GRIN3A: variants seen among roughly 807,000 people sequenced by gnomAD.
GRIN3A encodes the protein glutamate ionotropic receptor NMDA type subunit 3A, also known as glutamate receptor ionotropic, NMDA 3A.
A neutral mutation model predicts 92.4 loss-of-function variants in GRIN3A; 47 were observed. The observed-to-expected ratio is 0.51, with a 90% confidence interval of 0.40 to 0.65. GRIN3A has a LOEUF of 0.65. Ranked by LOEUF, GRIN3A falls within the 30% of genes least tolerant of loss-of-function variation. The pLI is 0.00. For synonymous variants in GRIN3A, 527 were observed against 540.6 expected (o/e 0.97, Z 0.35); for missense variants, 1,324 against 1,393.1 (o/e 0.95, Z 0.79).
intron 3 of GRIN3A, 146 bp downstream of exon 3, chr9:101,669,914 G>A: frequency 1.6e-6 from 1 of 632,324 alleles, no homozygotes; most frequent in Non-Finnish European, 2.7e-6. Flanking sequence ...GTTAAACCAG[G>A]CAACAGACTT....
At chr9:101,698,518 C>G (rs572947536) in intron 1 of GRIN3A, among the ~76,000 whole-genome samples, 2 of 152,186 alleles carry the variant, frequency 1.3e-5, no homozygotes, top group African/African-American at 4.8e-5. Context: ...GATGGCATAA[C>G]CTACTACACC....
chr9:101,726,276 T>C (rs1004698675), intron 1 of GRIN3A, among the ~76,000 whole-genome samples: 8 of 152,166 alleles, frequency 5.3e-5, no homozygotes, highest in Non-Finnish European at 1.2e-4. Context: ...TCAGGCTAAG[T>C]CCTATCATAA....
chr9:101,659,277 T>C (rs903354424), intron 3 of GRIN3A, among the ~76,000 whole-genome samples: 1 of 151,676 alleles, frequency 6.6e-6, no homozygotes, highest in Non-Finnish European at 1.5e-5. Flanking sequence ...TTGTTTATAA[T>C]TACCCAAGAT....
intron 2 of GRIN3A, among the ~76,000 whole-genome samples, chr9:101,683,345 T>C (rs1829487483): frequency 6.6e-6 from 1 of 152,180 alleles, no homozygotes; most frequent in African/African-American, 2.4e-5. Context: ...CTCCCGACTT[T>C]CATTATGCAG....
intron 6 of GRIN3A, among the ~76,000 whole-genome samples, 154 bp from the exon 7 acceptor site, chr9:101,579,514 T>C (rs17774987): frequency 0.15 from 22,583 of 152,218 alleles, 2,108 homozygotes; most frequent in Non-Finnish European, 0.21. Flanking sequence ...ACCTTCATTA[T>C]ACATCATGAA....
chr9:101,675,990 G>C (rs1254268585), intron 2 of GRIN3A, among the ~76,000 whole-genome samples: 1 of 151,590 alleles, frequency 6.6e-6, no homozygotes, highest in African/African-American at 2.4e-5. Flanking sequence ...AAGAATTGTT[G>C]CCCCCCTGAT....
intron 6 of GRIN3A, among the ~76,000 whole-genome samples, chr9:101,580,438 GAT>G (rs1476606189): frequency 2.0e-5 from 3 of 152,148 alleles, no homozygotes; most frequent in Admixed American, 6.5e-5. Context: ...GAGAGATAGA[GAT>G]AGAGAATTGA....
At chr9:101,735,394 A>G (rs1020744490) in intron 1 of GRIN3A, among the ~76,000 whole-genome samples, 4 of 142,794 alleles carry the variant, frequency 2.8e-5, no homozygotes, top group African/African-American at 9.8e-5. Flanking sequence ...GGAGGACTTT[A>G]TCCACCCCCC....
intron 6 of GRIN3A, among the ~76,000 whole-genome samples, chr9:101,587,176 G>A (rs1827960628): frequency 1.3e-5 from 2 of 152,044 alleles, no homozygotes; most frequent in Non-Finnish European, 2.9e-5. Flanking sequence ...CAGGCATGGT[G>A]GCAGGTGCCT....
chr9:101,694,790 T>C (rs1365917652), intron 1 of GRIN3A, among the ~76,000 whole-genome samples: 1 of 152,144 alleles, frequency 6.6e-6, no homozygotes, highest in East Asian at 1.9e-4. Flanking sequence ...GGCAGTCTGT[T>C]CAGGCAAGAT....
intron 1 of GRIN3A, among the ~76,000 whole-genome samples, chr9:101,692,016 G>C (rs988294309): frequency 3.3e-5 from 5 of 152,126 alleles, no homozygotes; most frequent in Non-Finnish European, 5.9e-5. Context: ...GCAGAGTGAG[G>C]GCCCATAAGT....
At chr9:101,666,559 C>G (rs1829239026) in intron 3 of GRIN3A, among the ~76,000 whole-genome samples, 1 of 151,836 alleles carries the variant, frequency 6.6e-6, no homozygotes, top group African/African-American at 2.4e-5. Context: ...AATACCTGGG[C>G]AAGGAAATAA....
chr9:101,626,647 G>T (rs1181049387), intron 4 of GRIN3A, among the ~76,000 whole-genome samples: 1 of 152,234 alleles, frequency 6.6e-6, no homozygotes, highest in South Asian at 2.1e-4. Flanking sequence ...GATGCAGTAA[G>T]TTTGGGATGA....
Position 101,738,581 on chromosome 9 carries a change from CCTTT to C in GRIN3A, c.-606_-603del, listed in dbSNP as rs1830250234. On this transcript the variant is annotated 5_prime_UTR_variant, in exon 1 of 9. Transcript: ENST00000361820. ...CTCTTCTCTCGCTACTTCCTCTCTG[CCTTT>C]CTTTCGTTATTTTTCCACCGAGTCG... 1 of 154,002 alleles carries C rather than the reference CCTTT, an allele frequency of 6.5e-6. No individual in the cohort carries two copies. 9.5% of individuals were successfully genotyped at this position (154,002 alleles called of 1,614,324 possible).
At chr9:101,585,917 A>G (rs139579340) in intron 6 of GRIN3A, among the ~76,000 whole-genome samples, 4 of 152,074 alleles carry the variant, frequency 2.6e-5, no homozygotes, top group African/African-American at 4.8e-5. Context: ...CACAAGATCT[A>G]TTTCCTCATA....
chr9:101,659,038 T>G (rs567549954), intron 3 of GRIN3A, among the ~76,000 whole-genome samples: 2 of 152,000 alleles, frequency 1.3e-5, no homozygotes, highest in African/African-American at 2.4e-5. Context: ...CCTGTGGAGC[T>G]AAAATACGTA....
rs1827731849 is a variant in GRIN3A at position 101,569,557 on chromosome 9, A to G, written c.*3617T>C. On this transcript the variant is annotated 3_prime_UTR_variant, in exon 9 of 9. Transcript: ENST00000361820. Reference sequence around the variant, plus strand: ...ATTAAAATGAAGACACAATGCAAATACTCTTCACAAACCTTAAGAAAATAC... The same window carrying G: ...ATTAAAATGAAGACACAATGCAAATGCTCTTCACAAACCTTAAGAAAATAC... 6.6e-6 allele frequency: 1 copy of G among 152,148 alleles called. No homozygotes were observed. Among genetic ancestry groups the G allele is most frequent in the Non-Finnish European group, 1.5e-5 (1 of 68,024 alleles). The allele number at this position is 152,148 out of a possible 1,614,324, so 9.4% of individuals were successfully genotyped here.
intron 1 of GRIN3A, among the ~76,000 whole-genome samples, chr9:101,706,285 C>A (rs1178962890): frequency 2.6e-5 from 4 of 152,156 alleles, no homozygotes; most frequent in Non-Finnish European, 4.4e-5. Flanking sequence ...CCACTTCCTG[C>A]AATGTAATCA....
In GRIN3A at chr9:101,609,192, T is replaced by C. The variant is rs368554572; in HGVS notation, c.2766+4184A>G. 3.1e-4 allele frequency among the ~76,000 whole-genome samples: 47 copies of C among 152,340 alleles called. No individual in the cohort carries two copies. In the South Asian group the frequency reaches 7.5e-3, roughly 24 times the overall value. On this transcript the variant is annotated intron_variant, in intron 6 of 8. Transcript: ENST00000361820. ...GGTGAACCCATTCCCTCACCAATGA[T>C]AGGCTTAGACATAGGCAGAAGATAT...
Sources: allele counts gnomAD v4.1 joint callset (sites outside exome capture counted in the v4.1 genomes callset), GRCh38; gene constraint gnomAD v4.1.1; transcripts MANE v1.5; gene names NCBI Gene and HGNC (gene_info 2026-07-23, HGNC 2026-07-21).